The following RGL1 variants were observed in gnomAD, a reference collection of about 807,000 sequenced individuals.
RGL1 encodes the protein ral guanine nucleotide dissociation stimulator-like 1.
RGL1 carries 24 observed loss-of-function variants against 95.2 expected under a neutral mutation model. That is an observed-to-expected ratio of 0.25 (90% CI 0.18 to 0.35). The LOEUF (loss-of-function observed/expected upper bound fraction) is 0.35, where lower values mean the gene tolerates loss of function less well. Among genes scored for constraint, RGL1 ranks in the 10% least tolerant of loss-of-function variants. RGL1 has a pLI of 1.00. For synonymous variants in RGL1, 329 were observed against 344.9 expected (o/e 0.95, Z 0.51); for missense variants, 715 against 936.3 (o/e 0.76, Z 3.08).
chr1:183,831,731 C>A (rs1663269926), intron 2 of RGL1, among the ~76,000 whole-genome samples: 1 of 152,050 alleles, frequency 6.6e-6, no homozygotes, highest in African/African-American at 2.4e-5. Context: ...GAAACATATC[C>A]ATTTAATTAA....
intron 1 of RGL1, among the ~76,000 whole-genome samples, chr1:183,669,874 T>C (rs2102049903): frequency 6.6e-6 from 1 of 152,216 alleles, no homozygotes; most frequent in Non-Finnish European, 1.5e-5. Context: ...AAAAACCCCT[T>C]ATAAAATCAT....
chr1:183,891,229 T>C (rs1667397947), intron 8 of RGL1, among the ~76,000 whole-genome samples: 1 of 152,168 alleles, frequency 6.6e-6, no homozygotes, highest in African/African-American at 2.4e-5. Context: ...AAATGTTGCA[T>C]ATATAGTGAT....
chr1:183,920,032 T>G (rs1391188450), intron 16 of RGL1, among the ~76,000 whole-genome samples: 5 of 152,120 alleles, frequency 3.3e-5, no homozygotes, highest in African/African-American at 1.2e-4. Flanking sequence ...ATATCACCTT[T>G]CAAAAACTTT....
intron 17 of RGL1, 52 bp downstream of exon 17, chr1:183,922,388 A>C (rs776984779): frequency 7.6e-7 from 1 of 1,318,464 alleles, no homozygotes; most frequent in Non-Finnish European, 1.1e-6. Flanking sequence ...GGTGGCTAGC[A>C]CATGTCCACA....
intron 8 of RGL1, 94 bp from the exon 9 acceptor site, chr1:183,891,983 C>G (rs1404379969): frequency 2.3e-6 from 2 of 877,574 alleles, no homozygotes; most frequent in African/African-American, 3.3e-5. Flanking sequence ...AGCACAGTCC[C>G]TCCTTAGACA....
intron 2 of RGL1, among the ~76,000 whole-genome samples, chr1:183,831,277 A>G (rs939526683): frequency 1.3e-5 from 2 of 152,216 alleles, no homozygotes; most frequent in Admixed American, 6.5e-5. Flanking sequence ...TTTAAGGCAG[A>G]TGGAACAAAT....
chr1:183,714,041 C>A (rs188605923), intron 1 of RGL1, among the ~76,000 whole-genome samples: 44 of 152,254 alleles, frequency 2.9e-4, no homozygotes, highest in African/African-American at 1.0e-3. Context: ...AAATCTTAAG[C>A]CACGAGAAAT....
At chr1:183,788,464 C>G (rs1239120984) in intron 2 of RGL1, among the ~76,000 whole-genome samples, 2 of 152,202 alleles carry the variant, frequency 1.3e-5, no homozygotes, top group African/African-American at 4.8e-5. Context: ...GATTCAAATG[C>G]TGACCTAAAT....
intron 1 of RGL1, among the ~76,000 whole-genome samples, chr1:183,700,383 G>A (rs926104466): frequency 3.3e-5 from 5 of 151,468 alleles, no homozygotes; most frequent in Non-Finnish European, 7.4e-5. Flanking sequence ...CTCACATGAC[G>A]TCTTCCTGTG....
At chr1:183,649,591 A>C (rs75446744) in intron 1 of RGL1, among the ~76,000 whole-genome samples, 1,985 of 152,250 alleles carry the variant, frequency 0.013, 48 homozygotes, top group African/African-American at 0.046. Flanking sequence ...GATTGTGGAC[A>C]CTCATTCATT....
chr1:183,840,713 AAATAAATAAAT>A (rs1396440225), intron 2 of RGL1, among the ~76,000 whole-genome samples: 114 of 63,084 alleles, frequency 1.8e-3, no homozygotes, highest in African/African-American at 3.7e-3. Flanking sequence ...ATAAATAAAT[AAATAAATAAAT>A]AATAAATAAA....
In RGL1 at chr1:183,667,514, C is replaced by T. The variant is rs753216556; in HGVS notation, c.-33+31013C>T. ...TAATTTTTTGTATTTTTAGTAGAGA[C>T]GGGGTTTCTTCATGGTGGTCAGGCG... On this transcript the variant is annotated intron_variant, in intron 1 of 18. Transcript: ENST00000304685. 2.4e-3 allele frequency among the ~76,000 whole-genome samples: 360 copies of T among 151,766 alleles called. 1 individual carries two copies. Among genetic ancestry groups the T allele is most frequent in the Non-Finnish European group, 3.0e-3 (203 of 67,874 alleles).
intron 8 of RGL1, among the ~76,000 whole-genome samples, chr1:183,890,238 G>T (rs1667340535): frequency 6.6e-6 from 1 of 152,026 alleles, no homozygotes; most frequent in South Asian, 2.1e-4. Context: ...TTTGATGGTT[G>T]AAAAAAGAAC....
intron 4 of RGL1, 46 bp from the exon 5 acceptor site, chr1:183,880,570 C>T (rs1344445427): frequency 1.9e-6 from 3 of 1,591,498 alleles, no homozygotes; most frequent in Non-Finnish European, 2.6e-6. Flanking sequence ...TGCTTTGCCT[C>T]CCCACAGCCA....
intron 1 of RGL1, among the ~76,000 whole-genome samples, chr1:183,636,767 A>G (rs999012136): frequency 6.6e-6 from 1 of 152,220 alleles, no homozygotes; most frequent in Non-Finnish European, 1.5e-5. Context: ...TCTAGGCCAG[A>G]TTTAAAAAAA....
At chr1:183,811,715 A>C (rs762830560) in intron 2 of RGL1, among the ~76,000 whole-genome samples, 14 of 152,042 alleles carry the variant, frequency 9.2e-5, no homozygotes, top group African/African-American at 1.5e-4. Flanking sequence ...GATCTGTGTT[A>C]GGAATATGTG....
At chr1:183,646,306 T>C (rs970602086) in intron 1 of RGL1, 1 of 152,202 alleles carries the variant, frequency 6.6e-6, no homozygotes, top group Non-Finnish European at 1.5e-5. Flanking sequence ...ATGTTTATTT[T>C]AACCACAATA....
intron 9 of RGL1, among the ~76,000 whole-genome samples, chr1:183,897,441 C>T (rs1467161165): frequency 2.6e-5 from 4 of 152,066 alleles, no homozygotes; most frequent in Admixed American, 6.6e-5. Flanking sequence ...CCCAGCTACT[C>T]GGGAGGCTGA....
chr1:183,845,977 C>G (rs1325456964), intron 2 of RGL1, among the ~76,000 whole-genome samples: 1 of 152,204 alleles, frequency 6.6e-6, no homozygotes, highest in African/African-American at 2.4e-5. Flanking sequence ...TTGTGGAAGA[C>G]AGTGTGGCGA....
Sources: allele counts gnomAD v4.1 joint callset (sites outside exome capture counted in the v4.1 genomes callset), GRCh38; gene constraint gnomAD v4.1.1; transcripts MANE v1.5; gene names NCBI Gene and HGNC (gene_info 2026-07-23, HGNC 2026-07-21).